The following KCND2 variants were observed in gnomAD, a reference collection of about 807,000 sequenced individuals.
KCND2 encodes A-type voltage-gated potassium channel KCND2.
Under a neutral mutation model 54.4 loss-of-function variants are expected in KCND2, and 16 were observed. The ratio of observed to expected loss-of-function variants is 0.29; its 90% CI spans 0.20 to 0.45. The LOEUF is 0.45. KCND2 is among the 20% of genes least tolerant of loss of function. KCND2 has a pLI of 1.00. For missense variants in KCND2, 486 were observed against 824.2 expected (o/e 0.59, Z 5.02); for synonymous variants, 317 against 310.7 (o/e 1.02, Z -0.21).
intron 1 of KCND2, among the ~76,000 whole-genome samples, chr7:120,455,190 A>T (rs564804450): frequency 1.9e-3 from 288 of 152,300 alleles, no homozygotes; most frequent in African/African-American, 4.4e-3. Context: ...AAAAAATTTT[A>T]AAATTTATGT....
Position 120,642,396 on chromosome 7 carries a change from T to TAAAAA in KCND2, c.1116-90492_1116-90488dup, listed in dbSNP as rs35453111. ...CAACATGATGAAACTCCTTCTCTAC[T>TAAAAA]AAAAAAAAAAAAAAAAAAAGCAGGG... On this transcript the variant is annotated intron_variant, in intron 1 of 5. Coordinates refer to ENST00000331113, the MANE Select transcript of KCND2 (RefSeq NM_012281.3). Among the ~76,000 whole-genome samples the TAAAAA allele has an allele frequency of 1.1e-4, 11 of 99,722 alleles. 1 individual carries two copies. The South Asian group carries it at 1.3e-3, about 12-fold the overall frequency. 65.4% of individuals were successfully genotyped at this position (99,722 alleles called of 152,430 possible).
At chr7:120,542,009 G>A (rs566975113) in intron 1 of KCND2, among the ~76,000 whole-genome samples, 3 of 151,974 alleles carry the variant, frequency 2.0e-5, no homozygotes, top group African/African-American at 2.4e-5. Context: ...ATGTTTCTAC[G>A]ACCTATTTTA....
chr7:120,299,423 G>A (rs1313172134), intron 1 of KCND2, among the ~76,000 whole-genome samples: 1 of 151,956 alleles, frequency 6.6e-6, no homozygotes, highest in Admixed American at 6.6e-5. Flanking sequence ...AGTTCTCCTG[G>A]ATGTCTAAAG....
chr7:120,367,057 G>A (rs997020499), intron 1 of KCND2, among the ~76,000 whole-genome samples: 14 of 152,008 alleles, frequency 9.2e-5, no homozygotes, highest in Non-Finnish European at 1.5e-4. Flanking sequence ...TAGGTTTGCC[G>A]CTATTGCATG....
chr7:120,386,176 G>T (rs1243260529), intron 1 of KCND2, among the ~76,000 whole-genome samples: 1 of 151,968 alleles, frequency 6.6e-6, no homozygotes, highest in Non-Finnish European at 1.5e-5. Context: ...CATTGTACTT[G>T]GATTTCAACT....
rs753619345 is a variant in KCND2 at position 120,747,742 on chromosome 7, G to A, written c.1777G>A (p.Val593Met). 6.8e-6 allele frequency: 11 copies of A among 1,612,508 alleles called. No homozygotes were observed. Among genetic ancestry groups the A allele is most frequent in the African/African-American group, 1.3e-5 (1 of 74,810 alleles). ...CVKLNCEQPY[V>M]TTAIISIPTP... is the part of the protein sequence containing the mutation. ...TAAACTAAACTGTGAACAACCTTAT[G>A]TGACTACAGCAATAATAAGCATCCC... Residue 593 changes from valine (V) to methionine (M), a missense_variant, in exon 6 of 6, where the codon GTG (valine) becomes ATG (methionine). Physicochemically the swap from Val to Met is conservative, Grantham distance 21 (BLOSUM62 1). Around this residue, in one of 7 missense-constraint regions of KCND2, gnomAD observed 202 missense variants for 252.7 expected, o/e 0.80. Coordinates refer to ENST00000331113, the MANE Select transcript of KCND2 (RefSeq NM_012281.3).
At chr7:120,740,847 T>C in intron 2 of KCND2, 2 of 456,268 alleles carry the variant, frequency 4.4e-6, no homozygotes, top group South Asian at 3.1e-5. Flanking sequence ...CAGATGCACA[T>C]ACAGTCGTGC....
chr7:120,594,919 C>T (rs946771495), intron 1 of KCND2, among the ~76,000 whole-genome samples: 1 of 151,220 alleles, frequency 6.6e-6, no homozygotes, highest in Non-Finnish European at 1.5e-5. Flanking sequence ...ACTCAGGAGG[C>T]GGAGGCAGGA....
intron 1 of KCND2, among the ~76,000 whole-genome samples, chr7:120,501,835 T>G (rs895600428): frequency 2.6e-5 from 4 of 152,136 alleles, no homozygotes; most frequent in African/African-American, 9.6e-5. Flanking sequence ...TCTTCATTTT[T>G]AAAATTTAAT....
chr7:120,615,325 A>G (rs962974604), intron 1 of KCND2, among the ~76,000 whole-genome samples: 1 of 152,198 alleles, frequency 6.6e-6, no homozygotes, highest in Non-Finnish European at 1.5e-5. Context: ...ATGGAATTTG[A>G]ACTGACAAAT....
At chr7:120,678,733 T>C (rs1792101818) in intron 1 of KCND2, among the ~76,000 whole-genome samples, 1 of 112,734 alleles carries the variant, frequency 8.9e-6, no homozygotes, top group African/African-American at 2.8e-5. Context: ...TGTGGGTGTG[T>C]GAGTGTATAT....
At chr7:120,334,919 T>C (rs1800124741) in intron 1 of KCND2, among the ~76,000 whole-genome samples, 1 of 152,200 alleles carries the variant, frequency 6.6e-6, no homozygotes, top group Non-Finnish European at 1.5e-5. Flanking sequence ...AATAATGTCA[T>C]GGTTCAGTAA....
intron 1 of KCND2, among the ~76,000 whole-genome samples, chr7:120,278,405 C>T (rs1306515348): frequency 2.6e-5 from 4 of 151,694 alleles, no homozygotes; most frequent in African/African-American, 9.7e-5. Flanking sequence ...CAAGAGTTAT[C>T]TGAGCTCTTT....
At chr7:120,397,991 GTGTGTA>G (rs1325796153) in intron 1 of KCND2, among the ~76,000 whole-genome samples, 8 of 37,836 alleles carry the variant, frequency 2.1e-4, no homozygotes, top group African/African-American at 5.3e-4. Flanking sequence ...GTGTGTGTGT[GTGTGTA>G]TATATATATA....
rs576931028 is a variant in KCND2, at chr7:120,611,568, T to G, written c.1116-121335T>G. ...GTGAAGAAAATGGTTCTTAAAACTC[T>G]AGTTTGTGTCCAGAAAACCCTGATT... On this transcript the variant is annotated intron_variant, in intron 1 of 5. Transcript: ENST00000331113. Among the ~76,000 whole-genome samples, 16 of 152,284 alleles carry G rather than the reference T, an allele frequency of 1.1e-4. No individual in the cohort carries two copies. The South Asian group carries it at 2.9e-3, about 28-fold the overall frequency.
At chr7:120,550,393 G>A (rs930296924) in intron 1 of KCND2, among the ~76,000 whole-genome samples, 1 of 151,980 alleles carries the variant, frequency 6.6e-6, no homozygotes, top group Admixed American at 6.6e-5. Flanking sequence ...CCAGTGATCA[G>A]AATAAAATGG....
At chr7:120,434,519 C>T (rs991860487) in intron 1 of KCND2, among the ~76,000 whole-genome samples, 3 of 152,204 alleles carry the variant, frequency 2.0e-5, no homozygotes, top group African/African-American at 7.2e-5. Context: ...TCTAGAAAAG[C>T]CAACTTCTTC....
intron 1 of KCND2, among the ~76,000 whole-genome samples, chr7:120,281,731 A>C (rs528933043): frequency 6.6e-6 from 1 of 152,158 alleles, no homozygotes; most frequent in Non-Finnish European, 1.5e-5. Flanking sequence ...CGGTGCTCAA[A>C]TGTAGGAAAA....
chr7:120,736,481 G>T (rs1169575675), intron 2 of KCND2, among the ~76,000 whole-genome samples: 2 of 151,916 alleles, frequency 1.3e-5, no homozygotes, highest in Non-Finnish European at 2.9e-5. Flanking sequence ...GAATGTATTA[G>T]CCAAAATAAA....
Sources: allele counts gnomAD v4.1 joint callset (sites outside exome capture counted in the v4.1 genomes callset), GRCh38; gene constraint gnomAD v4.1.1; regional missense constraint gnomAD v4.1.1; transcripts MANE v1.5; gene names NCBI Gene and HGNC (gene_info 2026-07-23, HGNC 2026-07-21).